The following PDZRN4 variants were observed in gnomAD, a reference collection of about 807,000 sequenced individuals.
PDZRN4 encodes the protein PDZ domain containing ring finger 4, also known as PDZ domain-containing RING finger protein 4.
In PDZRN4, 70 loss-of-function variants were observed where a neutral mutation model predicts 99.0. The observed-to-expected ratio is 0.71, with a 90% confidence interval of 0.58 to 0.86. PDZRN4 has a LOEUF of 0.86. Among genes scored for constraint, PDZRN4 ranks in the 40% least tolerant of loss-of-function variants. The pLI, the probability that PDZRN4 is intolerant of heterozygous loss-of-function variation, is 0.00. For synonymous variants in PDZRN4, 551 were observed against 501.6 expected, an observed-to-expected ratio of 1.10 and a Z score of -1.32; for missense variants, 1,474 against 1,331.2, an observed-to-expected ratio of 1.11 and a Z score of -1.67.
intron 9 of PDZRN4, among the ~76,000 whole-genome samples, chr12:41,568,621 C>T (rs1939419969): frequency 1.3e-5 from 2 of 152,180 alleles, no homozygotes; most frequent in Admixed American, 6.5e-5. Flanking sequence ...GGATTCATAA[C>T]TAGTAAAAGA....
At chr12:41,558,226 A>T (rs1565614968) in intron 7 of PDZRN4, among the ~76,000 whole-genome samples, 1 of 152,222 alleles carries the variant, frequency 6.6e-6, no homozygotes, top group African/African-American at 2.4e-5. Context: ...TCCAGCATTC[A>T]TTCCACAATA....
rs554413527 is a variant in PDZRN4, at chr12:41,527,624, C to T, written c.1203+17711C>T. 1.2e-4 allele frequency among the ~76,000 whole-genome samples: 18 copies of T among 152,294 alleles called. 1 individual carries two copies. The South Asian group carries it at 2.5e-3, about 21-fold the overall frequency. ...TAAGTCAACTGTTATCTTTCCCATG[C>T]GTGACAAGTGGTTATGAGCCAAATT... is the stretch of plus-strand genomic sequence containing the variant. On this transcript the variant is annotated intron_variant, in intron 5 of 9. Coordinates refer to ENST00000402685, the MANE Select transcript of PDZRN4 (RefSeq NM_001164595.2).
intron 3 of PDZRN4, among the ~76,000 whole-genome samples, chr12:41,416,316 A>G (rs770501653): frequency 3.3e-5 from 5 of 152,160 alleles, no homozygotes; most frequent in Admixed American, 6.5e-5. Flanking sequence ...GAAAACAAAA[A>G]AATGGCGAAA....
In PDZRN4 at chr12:41,215,923, G is replaced by C. The variant is rs191510734; in HGVS notation, c.843+21735G>C. On this transcript the variant is annotated intron_variant, in intron 3 of 9. Transcript: ENST00000402685. Reference sequence around the variant, plus strand: ...TCAGGATAGTACGAGGATTTAGTTAGGTAATTTACATGAAAGCATTTTGTA... The same window carrying C: ...TCAGGATAGTACGAGGATTTAGTTACGTAATTTACATGAAAGCATTTTGTA... Among the ~76,000 whole-genome samples, 176 of 151,506 alleles carry C rather than the reference G, an allele frequency of 1.2e-3. 1 individual carries two copies. Among genetic ancestry groups the C allele is most frequent in the South Asian group, 3.5e-3 (17 of 4,796 alleles).
chr12:41,446,110 A>G (rs1952725972), intron 3 of PDZRN4, among the ~76,000 whole-genome samples: 1 of 152,158 alleles, frequency 6.6e-6, no homozygotes, highest in African/African-American at 2.4e-5. Context: ...GTATTTCGAC[A>G]TGTAACATCT....
At position 41,573,039 on chromosome 12, in the gene PDZRN4, C is replaced by T. The variant is rs139658899; in HGVS notation, c.2260C>T (p.Arg754Cys). The change falls in exon 10 of 10, where the codon CGT (arginine) becomes TGT (cysteine). Residue 754 changes from arginine to cysteine, a missense_variant. By Grantham distance (180) the Arg-to-Cys change is radical. Transcript: ENST00000402685. ...SCRSTPLTVD[R>C]SPDSSLPRVI... is the part of the protein sequence containing the mutation. ...CAGAAGTACTCCGCTCACTGTAGAC[C>T]GTTCCCCTGACAGTTCCCTTCCAAG... is the stretch of plus-strand genomic sequence containing the variant. 205 of 1,614,056 alleles carry T rather than the reference C, an allele frequency of 1.3e-4. No individual in the cohort carries two copies. The African/African-American group carries it at 2.6e-3, about 20-fold the overall frequency.
chr12:41,315,946 T>G (rs1951635555), intron 3 of PDZRN4, among the ~76,000 whole-genome samples: 1 of 152,102 alleles, frequency 6.6e-6, no homozygotes, highest in Non-Finnish European at 1.5e-5. Context: ...CCTGTGAATG[T>G]AATCTTTTTA....
At chr12:41,436,327 C>T (rs1952629223) in intron 3 of PDZRN4, among the ~76,000 whole-genome samples, 1 of 152,202 alleles carries the variant, frequency 6.6e-6, no homozygotes, top group African/African-American at 2.4e-5. Flanking sequence ...CTCCTTGCTA[C>T]TTGCTGGTGT....
At chr12:41,516,862 C>G (rs1367473718) in intron 5 of PDZRN4, among the ~76,000 whole-genome samples, 2 of 151,210 alleles carry the variant, frequency 1.3e-5, no homozygotes, top group Non-Finnish European at 2.9e-5. Flanking sequence ...GAGACAGATA[C>G]TTCATAATCA....
intron 3 of PDZRN4, among the ~76,000 whole-genome samples, chr12:41,427,005 A>G (rs1337720393): frequency 6.6e-6 from 1 of 152,204 alleles, no homozygotes; most frequent in South Asian, 2.1e-4. Context: ...AGTGCTATGG[A>G]TCTAGAAGCC....
intron 5 of PDZRN4, among the ~76,000 whole-genome samples, chr12:41,529,962 A>G (rs1209681618): frequency 6.6e-6 from 1 of 152,132 alleles, no homozygotes. Flanking sequence ...ATGCCATGCC[A>G]TGTTCCAACA....
In PDZRN4 at chr12:41,505,646, G is replaced by A. The variant is rs1425448810; in HGVS notation, c.844-810G>A. 2.7e-5 allele frequency among the ~76,000 whole-genome samples: 4 copies of A among 149,556 alleles called. 1 individual carries two copies. Among genetic ancestry groups the A allele is most frequent in the Non-Finnish European group, 5.9e-5 (4 of 67,894 alleles). On this transcript the variant is annotated intron_variant, in intron 3 of 9. Coordinates refer to ENST00000402685, the MANE Select transcript of PDZRN4 (RefSeq NM_001164595.2). ...CCAAATGCCAATGGTTTCTGCCCCT[G>A]TTGAAAAGCAATGACTGAGGACAAA...
In PDZRN4 at chr12:41,572,762, A is replaced by T. The variant is rs1939505006; in HGVS notation, c.1983A>T (p.Gly661=). Residue 661 remains glycine, a synonymous_variant, in exon 10 of 10, where the codon GGA becomes GGT. Transcript: ENST00000402685. ...TIECNQGEQE[G]VEHELQLLNE... ...AATGCAATCAAGGGGAGCAAGAGGG[A>T]GTGGAGCATGAGCTACAGTTGCTTA... 3 of 1,614,146 alleles carry T rather than the reference A, an allele frequency of 1.9e-6. No individual in the cohort carries two copies. In the East Asian group the frequency reaches 6.7e-5, roughly 36 times the overall value.
chr12:41,519,577 C>G (rs1938457907), intron 5 of PDZRN4, among the ~76,000 whole-genome samples: 1 of 151,856 alleles, frequency 6.6e-6, no homozygotes, highest in Non-Finnish European at 1.5e-5. Context: ...TCGTGTCACT[C>G]CTCTGCTGAA....
chr12:41,419,741 G>A (rs1419056143), intron 3 of PDZRN4, among the ~76,000 whole-genome samples: 1 of 152,110 alleles, frequency 6.6e-6, no homozygotes, highest in Non-Finnish European at 1.5e-5. Context: ...TGACTGTCAA[G>A]AAATAAGAGT....
intron 3 of PDZRN4, among the ~76,000 whole-genome samples, chr12:41,290,338 T>G (rs1482715744): frequency 2.6e-5 from 4 of 152,202 alleles, no homozygotes; most frequent in East Asian, 1.9e-4. Context: ...TCAAAACATC[T>G]TTTGTTTGGA....
intron 3 of PDZRN4, among the ~76,000 whole-genome samples, chr12:41,359,870 G>A (rs1282043338): frequency 1.3e-5 from 2 of 151,900 alleles, no homozygotes; most frequent in African/African-American, 2.4e-5. Flanking sequence ...AGTCTGTCAG[G>A]TTTCTCCTAG....
intron 3 of PDZRN4, among the ~76,000 whole-genome samples, chr12:41,355,582 C>T (rs1951921843): frequency 1.3e-5 from 2 of 152,052 alleles, no homozygotes; most frequent in South Asian, 4.1e-4. Context: ...AAAACATTTG[C>T]ATATATGCAT....
chr12:41,307,037 T>A (rs1246560267), intron 3 of PDZRN4, among the ~76,000 whole-genome samples: 1 of 152,196 alleles, frequency 6.6e-6, no homozygotes, highest in East Asian at 1.9e-4. Flanking sequence ...AATCCCTTTA[T>A]GGCAACCCTG....
Sources: gnomAD v4.1 joint callset for allele counts (sites outside exome capture counted in the v4.1 genomes callset) on GRCh38, gnomAD v4.1.1 for gene constraint, MANE v1.5 for transcripts, NCBI Gene and HGNC (gene_info 2026-07-23, HGNC 2026-07-21) for gene names.